The following ABR variants were observed in gnomAD, a reference collection of about 807,000 sequenced individuals.
ABR encodes active breakpoint cluster region-related protein.
In ABR, 35 loss-of-function variants were observed where a neutral mutation model predicts 107.2. The observed-to-expected ratio is 0.33, with a 90% CI of 0.25 to 0.43. The LOEUF (loss-of-function observed/expected upper bound fraction) is 0.43. ABR is among the 20% of genes least tolerant of loss of function. The pLI is 1.00. For synonymous variants in ABR, 498 were observed against 462.0 expected (o/e 1.08, Z -1.00); for missense variants, 815 against 1,115.2 (o/e 0.73, Z 3.83).
chr17:1,179,040 G>T lies in ABR; in HGVS notation c.61+627C>A, dbSNP rs112037862. 6.6e-6 allele frequency among the ~76,000 whole-genome samples: 1 copy of T among 151,682 alleles called. No individual in the cohort carries two copies. The highest frequency in any genetic ancestry group is 1.5e-5 in the Non-Finnish European group (1 of 67,910). On this transcript the variant is annotated intron_variant, in intron 1 of 22. Coordinates refer to ENST00000302538, the MANE Select transcript of ABR (RefSeq NM_021962.5). This position sits in a 1 kb window ranked among gnomAD's most constrained non-coding sequence, Gnocchi z 4.9. Reference sequence around the variant, plus strand: ...CTTCTGAGGGTGGTGGTGATGATGAGGGTGGGGGTGGTGATGAGGCTGGCA... The same window carrying T: ...CTTCTGAGGGTGGTGGTGATGATGATGGTGGGGGTGGTGATGAGGCTGGCA...
chr17:1,074,696 C>G (rs2035558231), intron 6 of ABR, among the ~76,000 whole-genome samples: 1 of 152,354 alleles, frequency 6.6e-6, no homozygotes, highest in Admixed American at 6.5e-5. Context: ...GGCAGGGAGG[C>G]TGGAGGCCAG....
intron 2 of ABR, among the ~76,000 whole-genome samples, chr17:1,124,770 G>A (rs1254666339): frequency 6.6e-6 from 1 of 152,218 alleles, no homozygotes; most frequent in Non-Finnish European, 1.5e-5. Flanking sequence ...GCCCAGGCTG[G>A]CTTTGCGGGA....
At chr17:1,057,657 A>ATGTGTGTGTGTG (rs796583275) in intron 12 of ABR, among the ~76,000 whole-genome samples, 2 of 37,414 alleles carry the variant, frequency 5.3e-5, no homozygotes, top group African/African-American at 2.4e-4. Context: ...GTATGTGTGT[A>ATGTGTGTGTGTG]TGTGTGTGTG....
At chr17:1,120,433 C>A (rs2039296826) in intron 2 of ABR, among the ~76,000 whole-genome samples, 1 of 152,082 alleles carries the variant, frequency 6.6e-6, no homozygotes, top group South Asian at 2.1e-4. Context: ...GCCACCACAC[C>A]CAGCTAATTT....
chr17:1,032,262 A>G (rs981015003), intron 16 of ABR, among the ~76,000 whole-genome samples: 2 of 151,876 alleles, frequency 1.3e-5, no homozygotes, highest in Non-Finnish European at 2.9e-5. Context: ...CCCACCCCCA[A>G]CTTCTGCCCC....
In ABR at chr17:1,005,281, A is replaced by G; in HGVS notation, c.*799T>C. 1 of 398,056 alleles carries G rather than the reference A, an allele frequency of 2.5e-6. No homozygotes were observed. Among genetic ancestry groups the G allele is most frequent in the South Asian group, 1.4e-4 (1 of 7,324 alleles). The allele number at this position is 398,056 out of a possible 1,614,324, so 24.7% of individuals were successfully genotyped here. A position where few individuals can be genotyped will look rare whatever the true frequency, so the allele number is the denominator to read the frequency against. ...TAGAAGAAACAGTCAGAGATGCCTC[A>G]CTGATAGACAGGAGGCCGAACAGGT... On this transcript the variant is annotated 3_prime_UTR_variant, in exon 23 of 23. Transcript: ENST00000302538.
chr17:1,111,566 G>A (rs1319329264), intron 2 of ABR, among the ~76,000 whole-genome samples: 1 of 152,132 alleles, frequency 6.6e-6, no homozygotes, highest in East Asian at 1.9e-4. Flanking sequence ...CCCCCCAAAC[G>A]GTTTATTCCA....
intron 6 of ABR, among the ~76,000 whole-genome samples, chr17:1,075,537 C>T (rs1464180051): frequency 6.6e-6 from 1 of 152,196 alleles, no homozygotes; most frequent in Non-Finnish European, 1.5e-5. Flanking sequence ...ACCCGCAGTC[C>T]GAGCTTGGCT....
intron 6 of ABR, among the ~76,000 whole-genome samples, chr17:1,075,324 G>A (rs2035612300): frequency 6.6e-6 from 1 of 152,272 alleles, no homozygotes; most frequent in South Asian, 2.1e-4. Context: ...TGGTCATCTG[G>A]GAAGAAGGAT....
intron 3 of ABR, among the ~76,000 whole-genome samples, chr17:1,093,495 A>G (rs1457787387): frequency 6.6e-6 from 1 of 152,068 alleles, no homozygotes; most frequent in South Asian, 2.1e-4. Context: ...GCTTAGACTT[A>G]ATCTACGTTG....
intron 3 of ABR, among the ~76,000 whole-genome samples, chr17:1,099,775 A>G (rs2037740575): frequency 6.6e-6 from 1 of 152,158 alleles, no homozygotes; most frequent in Admixed American, 6.5e-5. Flanking sequence ...AGGGGAACTG[A>G]GGCATGTTAC....
chr17:1,062,399 T>C (rs1218579437), intron 10 of ABR, among the ~76,000 whole-genome samples: 40 of 140,800 alleles, frequency 2.8e-4, no homozygotes, highest in African/African-American at 7.3e-4. Context: ...CATGTTCCTC[T>C]AGACACTGTT....
Position 1,011,216 on chromosome 17 carries a change from CTT to C in ABR, c.2102-355_2102-354del. Reference sequence around the variant, plus strand: ...GCCCCTCTCTGGAAGGCATTGCACACTTTTCACACGTAAAAGCATGTTCCGAC... The same window carrying C: ...GCCCCTCTCTGGAAGGCATTGCACACTTCACACGTAAAAGCATGTTCCGAC... On this transcript the variant is annotated intron_variant, in intron 19 of 22. Transcript: ENST00000302538. This position sits in a 1 kb window ranked among gnomAD's most constrained non-coding sequence, Gnocchi z 4.8. The C allele has an allele frequency of 3.6e-6, 1 of 280,242 alleles. No individual in the cohort carries two copies. Among genetic ancestry groups the C allele is most frequent in the South Asian group, 4.2e-5 (1 of 23,916 alleles). The allele number at this position is 280,242 out of a possible 1,614,324, so 17.4% of individuals were successfully genotyped here. A position where few individuals can be genotyped will look rare whatever the true frequency, so the allele number is the denominator to read the frequency against.
At chr17:1,134,384 C>G (rs1009865003) in intron 1 of ABR, among the ~76,000 whole-genome samples, 2 of 151,824 alleles carry the variant, frequency 1.3e-5, no homozygotes, top group African/African-American at 2.4e-5. Context: ...TGCACTCCAG[C>G]CGGGGCAACA....
chr17:1,058,925 G>A (rs2033638124), intron 10 of ABR, 58 bp from the exon 11 acceptor site: 1 of 1,602,766 alleles, frequency 6.2e-7, no homozygotes. Context: ...CTCACGAGCA[G>A]CACTAAGCAC....
At position 1,200,123 on chromosome 17, in the gene ABR, C is replaced by T. The variant is rs962687748; in HGVS notation, c.838+28670G>A. Among the ~76,000 whole-genome samples the T allele has an allele frequency of 6.7e-6, 1 of 150,290 alleles. No homozygotes were observed. The highest frequency in any genetic ancestry group is 1.5e-5 in the Non-Finnish European group (1 of 67,680). ...CCCTCAGATTCAACCAACCACAGAT[C>T]AAAAATATTTGGGAGGAAAACAATT... On this transcript the variant is annotated intron_variant, in intron 1 of 22. Coordinates refer to the ABR transcript ENST00000574139. The surrounding 1 kb of genome is among the most constrained non-coding windows in gnomAD (Gnocchi z 4.1).
chr17:1,225,096 C>T (rs1285384257), intron 1 of ABR, among the ~76,000 whole-genome samples: 1 of 150,516 alleles, frequency 6.6e-6, no homozygotes. Flanking sequence ...TTGCAGGGAG[C>T]CCAGATGGCA....
intron 17 of ABR, 104 bp from the exon 18 acceptor site, chr17:1,012,901 GCT>G: frequency 1.8e-6 from 2 of 1,114,420 alleles, no homozygotes; most frequent in South Asian, 2.7e-5. Context: ...ATGAGGGCTA[GCT>G]CACACCCAGG....
At chr17:1,216,218 T>C (rs919737749) in intron 1 of ABR, among the ~76,000 whole-genome samples, 2 of 151,920 alleles carry the variant, frequency 1.3e-5, no homozygotes, top group African/African-American at 4.8e-5. Flanking sequence ...AAATAGAACT[T>C]ACTATGTGCC....
Sources: allele counts gnomAD v4.1 joint callset (sites outside exome capture counted in the v4.1 genomes callset), GRCh38; gene constraint gnomAD v4.1.1; non-coding constraint Gnocchi (gnomAD v3.1); transcripts MANE v1.5; gene names NCBI Gene and HGNC (gene_info 2026-07-23, HGNC 2026-07-21).